MEGF6: variants seen among roughly 807,000 people sequenced by gnomAD.
MEGF6 encodes multiple EGF like domains 6.
In MEGF6, 184 loss-of-function variants were observed where a neutral mutation model predicts 207.1. The observed-to-expected ratio is 0.89, with a 90% CI of 0.79 to 1.00. MEGF6 has a LOEUF of 1.00. MEGF6 is among the 50% of genes least tolerant of loss of function. The pLI, the probability that MEGF6 is intolerant of heterozygous loss-of-function variation, is 0.00. For synonymous variants in MEGF6, 1,038 were observed against 910.0 expected, an observed-to-expected ratio of 1.14 and a Z score of -2.53; for missense variants, 2,282 against 2,202.9, an observed-to-expected ratio of 1.04 and a Z score of -0.72.
At chr1:3,504,301 G>T (rs541849555) in intron 17 of MEGF6, among the ~76,000 whole-genome samples, 39 of 152,178 alleles carry the variant, frequency 2.6e-4, no homozygotes, top group Admixed American at 6.5e-5. Context: ...CCCAGGCCCT[G>T]TTGGCGGCCG....
intron 27 of MEGF6, 25 bp downstream of exon 27, chr1:3,497,208 G>A (rs765527159): frequency 6.6e-6 from 10 of 1,516,226 alleles, no homozygotes; most frequent in South Asian, 2.6e-5. Flanking sequence ...GCCGCTCCTC[G>A]GGGTGGGGGC....
chr1:3,521,937 G>A (rs1477885625), intron 5 of MEGF6, among the ~76,000 whole-genome samples: 1 of 152,286 alleles, frequency 6.6e-6, no homozygotes, highest in East Asian at 1.9e-4. Context: ...GCCAGGGGTC[G>A]CCAGGCCACC....
intron 4 of MEGF6, among the ~76,000 whole-genome samples, chr1:3,577,003 C>T (rs1377934187): frequency 6.6e-6 from 1 of 151,036 alleles, no homozygotes; most frequent in Non-Finnish European, 1.5e-5. Flanking sequence ...ACACTCCACC[C>T]CTGCACACCT....
At chr1:3,603,214 G>A (rs1160806813) in intron 1 of MEGF6, among the ~76,000 whole-genome samples, 1 of 152,200 alleles carries the variant, frequency 6.6e-6, no homozygotes, top group African/African-American at 2.4e-5. Flanking sequence ...CATAAACCAG[G>A]GGAGGGGGCA....
intron 4 of MEGF6, among the ~76,000 whole-genome samples, chr1:3,552,958 A>G (rs1642930631): frequency 6.6e-6 from 1 of 152,078 alleles, no homozygotes; most frequent in Admixed American, 6.5e-5. Context: ...GGCTCAGTCC[A>G]AGGCCCAGGG....
intron 4 of MEGF6, among the ~76,000 whole-genome samples, chr1:3,558,418 T>C (rs1018102277): frequency 2.6e-5 from 4 of 152,218 alleles, no homozygotes; most frequent in Admixed American, 2.0e-4. Flanking sequence ...GAGGATCACT[T>C]GAGGCCAGGA....
intron 4 of MEGF6, among the ~76,000 whole-genome samples, chr1:3,542,682 G>A (rs1642568871): frequency 1.3e-5 from 2 of 152,124 alleles, no homozygotes; most frequent in African/African-American, 4.8e-5. Flanking sequence ...TTGCTGTAAG[G>A]GCTGAGAGCA....
chr1:3,599,712 C>A (rs747402255), intron 2 of MEGF6, among the ~76,000 whole-genome samples: 2 of 152,152 alleles, frequency 1.3e-5, no homozygotes, highest in Non-Finnish European at 2.9e-5. Flanking sequence ...GATGGAGGTG[C>A]GTAGAGGCTG....
chr1:3,514,997 A>C (rs893855144), intron 6 of MEGF6, among the ~76,000 whole-genome samples: 2 of 152,158 alleles, frequency 1.3e-5, no homozygotes, highest in Non-Finnish European at 2.9e-5. Context: ...CAGCCCCTTC[A>C]TGCCCACACT....
At position 3,498,346 on chromosome 1, in the gene MEGF6, C is replaced by G. The variant is rs542445276; in HGVS notation, c.3352+25G>C. Reference sequence around the variant, plus strand: ...CCCCTTCCCAGCAGGGCCTGCAGACCCCCCTGCTGCCCCGCCCCACTCACG... The same window carrying G: ...CCCCTTCCCAGCAGGGCCTGCAGACGCCCCTGCTGCCCCGCCCCACTCACG... On this transcript the variant is annotated intron_variant, in intron 26 of 36. Coordinates refer to ENST00000356575, the MANE Select transcript of MEGF6 (RefSeq NM_001409.4). 4 of 1,587,016 alleles carry G rather than the reference C, an allele frequency of 2.5e-6. No individual in the cohort carries two copies. The Admixed American group carries it at 5.2e-5, about 21-fold the overall frequency.
chr1:3,524,164 C>T lies in MEGF6; in HGVS notation c.564G>A (p.Lys188=). ...NTPGSYLCEC[K]PGFRLHTDSR... The stretch of plus-strand genomic sequence containing the variant: ...TGTCAGTGTGGAGCCGGAAGCCGGG[C>T]TTGCACTCACAGAGGTAGGAGCCTG... The change falls in exon 5 of 37, where the codon AAG becomes AAA. Residue 188 remains lysine, a synonymous_variant. Coordinates refer to ENST00000356575, the MANE Select transcript of MEGF6 (RefSeq NM_001409.4). The T allele has an allele frequency of 6.2e-7, 1 of 1,612,924 alleles. No homozygotes were observed. Among genetic ancestry groups the T allele is most frequent in the Middle Eastern group, 1.7e-4 (1 of 6,038 alleles).
At position 3,509,123 on chromosome 1, in the gene MEGF6, C is replaced by T; in HGVS notation, c.1480G>A (p.Glu494Lys). The stretch of plus-strand genomic sequence containing the variant: ...TCGCCCCGCAACTCTGCCTCTTCCT[C>T]ATCGGCCCCGACGTCGTCATCCTGG... ...LFQDDDVGADEEEAELRGEHT... is the reference protein window; with the variant it reads ...LFQDDDVGADKEEAELRGEHT... Residue 494 changes from glutamate (E) to lysine (K), a missense_variant, in exon 12 of 37, where the codon GAG (glutamate) becomes AAG (lysine). Physicochemically the swap from Glu to Lys is moderately conservative, Grantham distance 56. Transcript: ENST00000356575. The T allele has an allele frequency of 6.2e-7, 1 of 1,601,996 alleles. No homozygotes were observed. Among genetic ancestry groups the T allele is most frequent in the Non-Finnish European group, 8.5e-7 (1 of 1,175,050 alleles).
the MEGF6 span, among the ~76,000 whole-genome samples, chr1:3,620,333 G>T: frequency 6.6e-6 from 1 of 152,238 alleles, no homozygotes; most frequent in African/African-American, 2.4e-5. Context: ...CTGTAGAAAT[G>T]TCTCCAAGAC....
chr1:3,516,496 A>G (rs1197427337), intron 5 of MEGF6, among the ~76,000 whole-genome samples: 1 of 152,142 alleles, frequency 6.6e-6, no homozygotes, highest in Non-Finnish European at 1.5e-5. Flanking sequence ...CAAAGCGCCG[A>G]GACTCTCTCA....
At chr1:3,564,650 T>C (rs1331079076) in intron 4 of MEGF6, among the ~76,000 whole-genome samples, 1 of 152,102 alleles carries the variant, frequency 6.6e-6, no homozygotes, top group African/African-American at 2.4e-5. Flanking sequence ...CTGGACCGCC[T>C]TCCTCGACCT....
chr1:3,567,535 C>G (rs890730215), intron 4 of MEGF6, among the ~76,000 whole-genome samples: 3 of 152,214 alleles, frequency 2.0e-5, no homozygotes, highest in African/African-American at 7.2e-5. Context: ...CATGCCCCCC[C>G]CAGGCTCTCC....
intron 4 of MEGF6, among the ~76,000 whole-genome samples, chr1:3,524,916 G>A (rs780458676): frequency 2.6e-5 from 4 of 152,178 alleles, no homozygotes; most frequent in East Asian, 1.9e-4. Flanking sequence ...ACGAGGCTAC[G>A]GGCTAAGGAC....
chr1:3,514,396 G>A (rs1437017759), intron 7 of MEGF6, among the ~76,000 whole-genome samples, 154 bp downstream of exon 7: 1 of 152,252 alleles, frequency 6.6e-6, no homozygotes, highest in Non-Finnish European at 1.5e-5. Flanking sequence ...CAAGGGAGAT[G>A]AGACCGCCAC....
intron 3 of MEGF6, among the ~76,000 whole-genome samples, chr1:3,590,229 C>G (rs1570211921): frequency 6.6e-6 from 1 of 152,196 alleles, no homozygotes; most frequent in Non-Finnish European, 1.5e-5. Context: ...TGGCGCTCAT[C>G]TGCCACTCTG....
Sources: allele counts gnomAD v4.1 joint callset (sites outside exome capture counted in the v4.1 genomes callset), GRCh38; gene constraint gnomAD v4.1.1; transcripts MANE v1.5; gene names NCBI Gene and HGNC (gene_info 2026-07-23, HGNC 2026-07-21).